The following SIM2 variants were observed in gnomAD, a reference collection of about 807,000 sequenced individuals.
The protein encoded by SIM2 is SIM bHLH transcription factor 2.
SIM2 carries 28 observed loss-of-function variants against 64.8 expected under a neutral mutation model. The observed-to-expected ratio is 0.43, with a 90% confidence interval of 0.32 to 0.59. SIM2 has a LOEUF of 0.59. Among genes scored for constraint, SIM2 ranks in the 20% least tolerant of loss-of-function variants. The pLI is 0.07. For missense variants in SIM2, 847 were observed against 871.4 expected (o/e 0.97, Z 0.35); for synonymous variants, 408 against 391.1 (o/e 1.04, Z -0.51).
At position 36,702,882 on chromosome 21, in the gene SIM2, C is replaced by T. The variant is rs370118826; in HGVS notation, c.175+2961C>T. 1.7e-3 allele frequency among the ~76,000 whole-genome samples: 240 copies of T among 144,508 alleles called. 1 individual carries two copies. Among genetic ancestry groups the T allele is most frequent in the Middle Eastern group, 0.011 (3 of 264 alleles). The allele number at this position is 144,508 out of a possible 152,430, so 94.8% of individuals were successfully genotyped here. On this transcript the variant is annotated intron_variant, in intron 1 of 10. Coordinates refer to ENST00000290399, the MANE Select transcript of SIM2 (RefSeq NM_005069.6). ...TGATCTGCCAAGGGCGGTCTTGTCT[C>T]AAAGCAAGTGGATTGCTGGGGTAAA...
At chr21:36,713,904 T>C (rs529868366) in intron 3 of SIM2, among the ~76,000 whole-genome samples, 13 of 152,386 alleles carry the variant, frequency 8.5e-5, no homozygotes, top group Admixed American at 4.6e-4. Context: ...TCCTCTTCTC[T>C]GCTTTTATCA....
chr21:36,719,010 G>T (rs571137019), intron 3 of SIM2, among the ~76,000 whole-genome samples: 129 of 152,346 alleles, frequency 8.5e-4, no homozygotes, highest in African/African-American at 2.9e-3. Context: ...TTCCTGCAAA[G>T]TGACATGGAT....
chr21:36,737,661 G>C lies in SIM2; in HGVS notation c.851-4056G>C, dbSNP rs186330374. Among the ~76,000 whole-genome samples the C allele has an allele frequency of 9.6e-4, 146 of 152,298 alleles. No individual in the cohort carries two copies. In the Middle Eastern group the frequency reaches 0.01, roughly 11 times the overall value. On this transcript the variant is annotated intron_variant, in intron 7 of 10. Transcript: ENST00000290399. ...TCCTGCCCAGAATGGGCCAAGCCCA[G>C]ACCACAAAGAGAACACAGGCCATGT...
Position 36,747,912 on chromosome 21 carries a change from G to A in SIM2, c.1824G>A (p.Arg608=). Residue 608 remains arginine (R), a synonymous_variant, in exon 11 of 11, where the codon CGG becomes CGA. Coordinates refer to ENST00000290399, the MANE Select transcript of SIM2 (RefSeq NM_005069.6). The surrounding 1 kb of genome is among the most constrained non-coding windows in gnomAD (Gnocchi z 4.5). Reference sequence around the variant, plus strand: ...TCAACTACCACCGCGTGCTGGCCCGGCGCGGACCGCTGGGGGGCGCCGCAC... The same window carrying A: ...TCAACTACCACCGCGTGCTGGCCCGACGCGGACCGCTGGGGGGCGCCGCAC... ...VLLNYHRVLA[R]RGPLGGAAPA... is the part of the protein sequence containing the mutation. 9.5e-7 allele frequency: 1 copy of A among 1,056,400 alleles called. No individual in the cohort carries two copies. Among genetic ancestry groups the A allele is most frequent in the Non-Finnish European group, 1.1e-6 (1 of 870,650 alleles). The allele number at this position is 1,056,400 out of a possible 1,614,324, so 65.4% of individuals were successfully genotyped here.
intron 7 of SIM2, among the ~76,000 whole-genome samples, chr21:36,739,787 T>C (rs2089129904): frequency 6.6e-6 from 1 of 152,090 alleles, no homozygotes; most frequent in African/African-American, 2.4e-5. Flanking sequence ...TTTGCCATAA[T>C]GGCAAACTAT....
At chr21:36,737,315 C>G (rs921915737) in intron 7 of SIM2, among the ~76,000 whole-genome samples, 2 of 152,266 alleles carry the variant, frequency 1.3e-5, no homozygotes, top group African/African-American at 4.8e-5. Flanking sequence ...CACCCACCAC[C>G]TGAGGTGGCT....
intron 6 of SIM2, among the ~76,000 whole-genome samples, chr21:36,729,931 T>C (rs575156777): frequency 2.1e-4 from 32 of 152,318 alleles, no homozygotes; most frequent in South Asian, 6.2e-4. Context: ...TGCCCAGGGC[T>C]CGATGAGAAC....
intron 3 of SIM2, among the ~76,000 whole-genome samples, chr21:36,716,542 C>T (rs2088748960): frequency 6.6e-6 from 1 of 152,126 alleles, no homozygotes; most frequent in South Asian, 2.1e-4. Flanking sequence ...ATAACTTGAA[C>T]CCTGAAACCC....
intron 7 of SIM2, among the ~76,000 whole-genome samples, chr21:36,737,972 A>AAAAAAAAAAAG (rs1568939094): frequency 1.7e-5 from 2 of 119,526 alleles, no homozygotes; most frequent in Non-Finnish European, 4.1e-5. Context: ...AAAAAAAAAA[A>AAAAAAAAAAAG]AAAAAAAAAA....
intron 5 of SIM2, among the ~76,000 whole-genome samples, chr21:36,725,168 A>AG (rs1258815596): frequency 6.6e-6 from 1 of 152,078 alleles, no homozygotes; most frequent in Admixed American, 6.6e-5. Context: ...CAACATAATG[A>AG]GACCTTGTCT....
rs772453508 is a variant in SIM2 at position 36,699,967 on chromosome 21, C to T, written c.175+46C>T. On this transcript the variant is annotated intron_variant, in intron 1 of 10. Transcript: ENST00000290399. The surrounding 1 kb of genome is among the most constrained non-coding windows in gnomAD (Gnocchi z 5.6). ...CCGGGGACGCTGGGGAGCCCGGCGGCCCCGGCCCAGGCGGGAAGCGCAAGC... is the reference window on the plus strand; with the variant it reads ...CCGGGGACGCTGGGGAGCCCGGCGGTCCCGGCCCAGGCGGGAAGCGCAAGC... 31 of 1,525,266 alleles carry T rather than the reference C, an allele frequency of 2.0e-5. No homozygotes were observed. The highest frequency in any genetic ancestry group is 2.3e-4 in the Middle Eastern group (1 of 4,428). 94.5% of individuals were successfully genotyped at this position (1,525,266 alleles called of 1,614,324 possible). A position where few individuals can be genotyped will look rare whatever the true frequency, so the allele number is the denominator to read the frequency against.
chr21:36,715,495 T>A (rs927369268), intron 3 of SIM2, among the ~76,000 whole-genome samples: 1 of 152,226 alleles, frequency 6.6e-6, no homozygotes, highest in African/African-American at 2.4e-5. Flanking sequence ...TACCCAGTAG[T>A]CAGAGTAACC....
chr21:36,745,610 A>G lies in SIM2; in HGVS notation c.1576+474A>G. On this transcript the variant is annotated intron_variant, in intron 10 of 10. Transcript: ENST00000290399. The surrounding 1 kb of genome is among the most constrained non-coding windows in gnomAD (Gnocchi z 4.8). ...ATGGTGGAAATTTGTGGGCTTGGGG[A>G]CAGAAATGCCACTCACCAACCCAGG... The G allele has an allele frequency of 8.9e-7, 1 of 1,123,400 alleles. No homozygotes were observed. The highest frequency in any genetic ancestry group is 2.2e-5 in the South Asian group (1 of 45,478). 69.6% of individuals were successfully genotyped at this position (1,123,400 alleles called of 1,614,324 possible). A position where few individuals can be genotyped will look rare whatever the true frequency, so the allele number is the denominator to read the frequency against.
Position 36,731,223 on chromosome 21 carries a change from G to A in SIM2, c.850+72G>A. The A allele has an allele frequency of 2.8e-6, 3 of 1,084,940 alleles. No homozygotes were observed. The South Asian group carries it at 4.0e-5, about 14-fold the overall frequency. The allele number at this position is 1,084,940 out of a possible 1,614,324, so 67.2% of individuals were successfully genotyped here. A position where few individuals can be genotyped will look rare whatever the true frequency, so the allele number is the denominator to read the frequency against. ...GGAGGCGCTGAGGACAGAGCCGGGG[G>A]ACGTGTCCCTTTTGTTGGTGCAATA... is the stretch of plus-strand genomic sequence containing the variant. On this transcript the variant is annotated intron_variant, in intron 7 of 10. Coordinates refer to ENST00000290399, the MANE Select transcript of SIM2 (RefSeq NM_005069.6).
Position 36,745,014 on chromosome 21 carries a change from C to G in SIM2, c.1454C>G (p.Ala485Gly). 6.2e-7 allele frequency: 1 copy of G among 1,614,224 alleles called. No homozygotes were observed. Among genetic ancestry groups the G allele is most frequent in the Non-Finnish European group, 8.5e-7 (1 of 1,180,020 alleles). Reference protein sequence around the residue: ...VARFFLSTLPASGECQWHYAN... With the variant: ...VARFFLSTLPGSGECQWHYAN... ...CGCTTTTTCCTGAGCACACTGCCAG[C>G]CAGCGGTGAATGCCAGTGGCATTAT... is the stretch of plus-strand genomic sequence containing the variant. Residue 485 changes from alanine to glycine, a missense_variant, in exon 10 of 11, where the codon GCC (alanine) becomes GGC (glycine). Around this residue, in one of 3 missense-constraint regions of SIM2, gnomAD observed 447 missense variants for 414.6 expected, o/e 1.08. Coordinates refer to ENST00000290399, the MANE Select transcript of SIM2 (RefSeq NM_005069.6). This position sits in a 1 kb window ranked among gnomAD's most constrained non-coding sequence, Gnocchi z 4.8.
intron 2 of SIM2, chr21:36,709,809 T>G (rs2088649797): frequency 4.4e-6 from 1 of 228,144 alleles, no homozygotes; most frequent in Non-Finnish European, 8.6e-6. Context: ...GGTTTTTCAA[T>G]TTGTTTTGTT....
rs1474182341 is a variant in SIM2 at position 36,749,127 on chromosome 21, G to A, written c.*1035G>A. On this transcript the variant is annotated 3_prime_UTR_variant, in exon 11 of 11. Transcript: ENST00000290399. ...TAAGAACATGTTACGTGTGCAACAG[G>A]TAAACAGAAATCCTTTCATAAAGCA... is the stretch of plus-strand genomic sequence containing the variant. 1.3e-5 allele frequency: 2 copies of A among 152,644 alleles called. No homozygotes were observed. The highest frequency in any genetic ancestry group is 4.8e-5 in the African/African-American group (2 of 41,456). The allele number at this position is 152,644 out of a possible 1,614,324, so 9.5% of individuals were successfully genotyped here.
intron 9 of SIM2, among the ~76,000 whole-genome samples, chr21:36,744,482 AAGAAAG>A (rs998600568): frequency 3.9e-5 from 6 of 152,074 alleles, no homozygotes; most frequent in African/African-American, 1.4e-4. Context: ...GAAAGAAAGA[AAGAAAG>A]AGTCCATGTG....
Position 36,745,003 on chromosome 21 carries a change from C to T in SIM2, c.1443C>T (p.Ser481=). 1 of 1,614,242 alleles carries T rather than the reference C, an allele frequency of 6.2e-7. No homozygotes were observed. The highest frequency in any genetic ancestry group is 8.5e-7 in the Non-Finnish European group (1 of 1,180,046). ...SPCEVARFFL[S]TLPASGECQW... ...GTGAGGTGGCACGCTTTTTCCTGAG[C>T]ACACTGCCAGCCAGCGGTGAATGCC... The change falls in exon 10 of 11, where the codon AGC becomes AGT. Residue 481 remains serine, a synonymous_variant. Coordinates refer to ENST00000290399, the MANE Select transcript of SIM2 (RefSeq NM_005069.6). This position sits in a 1 kb window ranked among gnomAD's most constrained non-coding sequence, Gnocchi z 4.8.
Sources: allele counts gnomAD v4.1 joint callset (sites outside exome capture counted in the v4.1 genomes callset), GRCh38; gene constraint gnomAD v4.1.1; regional missense constraint gnomAD v4.1.1; non-coding constraint Gnocchi (gnomAD v3.1); transcripts MANE v1.5; gene names NCBI Gene and HGNC (gene_info 2026-07-23, HGNC 2026-07-21).